The following ADAMTS17 variants were observed in gnomAD, a reference collection of about 807,000 sequenced individuals.
ADAMTS17 encodes A disintegrin and metalloproteinase with thrombospondin motifs 17.
Under a neutral mutation model 141.5 loss-of-function variants are expected in ADAMTS17, and 113 were observed. The ratio of observed to expected loss-of-function variants is 0.80; its 90% CI spans 0.69 to 0.93. ADAMTS17 has a LOEUF of 0.93. Among genes scored for constraint, ADAMTS17 ranks in the 40% least tolerant of loss-of-function variants. The pLI, the probability that ADAMTS17 is intolerant of heterozygous loss-of-function variation, is 0.00. For missense variants in ADAMTS17, 1,659 were observed against 1,517.9 expected (o/e 1.09, Z -1.54); for synonymous variants, 768 against 630.6 (o/e 1.22, Z -3.27).
chr15:100,282,611 G>A (rs1432349079), intron 3 of ADAMTS17, among the ~76,000 whole-genome samples: 1 of 152,186 alleles, frequency 6.6e-6, no homozygotes, highest in Non-Finnish European at 1.5e-5. Context: ...TATTTTTGAT[G>A]CCTGGTTGAC....
chr15:100,233,348 A>G (rs941442287), intron 7 of ADAMTS17, among the ~76,000 whole-genome samples: 1 of 151,414 alleles, frequency 6.6e-6, no homozygotes, highest in Admixed American at 6.6e-5. Context: ...AAAAAAATAC[A>G]GAAGATTAAC....
intron 13 of ADAMTS17, among the ~76,000 whole-genome samples, chr15:100,116,464 T>C (rs999481490): frequency 1.3e-5 from 2 of 152,246 alleles, no homozygotes; most frequent in Non-Finnish European, 2.9e-5. Context: ...ATCATCCACA[T>C]TGGAAAGCCA....
intron 10 of ADAMTS17, among the ~76,000 whole-genome samples, chr15:100,137,677 C>T (rs532471232): frequency 1.3e-5 from 2 of 152,282 alleles, no homozygotes; most frequent in African/African-American, 2.4e-5. Flanking sequence ...AGGAAATATT[C>T]GAGGAAGCAA....
chr15:100,106,434 C>G (rs929755684), intron 14 of ADAMTS17, among the ~76,000 whole-genome samples: 2 of 152,196 alleles, frequency 1.3e-5, no homozygotes, highest in African/African-American at 2.4e-5. Flanking sequence ...ATGTCTGGAG[C>G]AGCATTTTCT....
intron 7 of ADAMTS17, among the ~76,000 whole-genome samples, chr15:100,246,257 G>A (rs1402054338): frequency 6.6e-6 from 1 of 152,050 alleles, no homozygotes; most frequent in East Asian, 1.9e-4. Flanking sequence ...CTGAATTTGT[G>A]GGATACGAAG....
intron 3 of ADAMTS17, among the ~76,000 whole-genome samples, chr15:100,322,498 TCCA>T (rs1311948074): frequency 6.6e-6 from 1 of 152,164 alleles, no homozygotes; most frequent in Non-Finnish European, 1.5e-5. Flanking sequence ...ATTCAGAATC[TCCA>T]CGTTACATTT....
In ADAMTS17 at chr15:99,997,655, C is replaced by T; in HGVS notation, c.2592-66G>A. On this transcript the variant is annotated intron_variant, in intron 18 of 21. Coordinates refer to ENST00000268070, the MANE Select transcript of ADAMTS17 (RefSeq NM_139057.4). This position sits in a 1 kb window ranked among gnomAD's most constrained non-coding sequence, Gnocchi z 4.7. ...GAGGCCAGCCTCTCCGGAGGGCCTTCCGGCCGGATCCTGGAATTGCTGCCC... is the reference window on the plus strand; with the variant it reads ...GAGGCCAGCCTCTCCGGAGGGCCTTTCGGCCGGATCCTGGAATTGCTGCCC... 5 of 1,598,410 alleles carry T rather than the reference C, an allele frequency of 3.1e-6. No individual in the cohort carries two copies. In the South Asian group the frequency reaches 4.4e-5, roughly 14 times the overall value.
chr15:100,238,065 G>T (rs2042713033), intron 7 of ADAMTS17, among the ~76,000 whole-genome samples: 1 of 152,148 alleles, frequency 6.6e-6, no homozygotes, highest in African/African-American at 2.4e-5. Flanking sequence ...TCCCACTGTG[G>T]GACAGCCACT....
chr15:100,274,287 T>C (rs1277954846), intron 4 of ADAMTS17, among the ~76,000 whole-genome samples: 2 of 152,254 alleles, frequency 1.3e-5, no homozygotes, highest in Admixed American at 6.5e-5. Context: ...CTCCAACTAT[T>C]ATTGTACAAC....
chr15:100,031,842 A>C (rs2141488962), intron 18 of ADAMTS17, among the ~76,000 whole-genome samples: 1 of 152,266 alleles, frequency 6.6e-6, no homozygotes, highest in African/African-American at 2.4e-5. Flanking sequence ...TAGAGTACTC[A>C]CCGTGTGGCA....
intron 7 of ADAMTS17, among the ~76,000 whole-genome samples, chr15:100,228,792 G>C (rs545896196): frequency 6.6e-6 from 1 of 152,190 alleles, no homozygotes. Flanking sequence ...CCAATGGTCT[G>C]GGGGAAGGAG....
intron 18 of ADAMTS17, among the ~76,000 whole-genome samples, chr15:100,018,807 GC>G (rs756697517): frequency 6.6e-6 from 1 of 152,156 alleles, no homozygotes; most frequent in Non-Finnish European, 1.5e-5. Context: ...ATGAGGACGT[GC>G]CCTTTCACAT....
intron 7 of ADAMTS17, among the ~76,000 whole-genome samples, chr15:100,222,543 C>T (rs796208103): frequency 6.6e-6 from 1 of 152,212 alleles, no homozygotes; most frequent in Non-Finnish European, 1.5e-5. Flanking sequence ...CTCCGTGTCC[C>T]CCCTGAACCA....
Position 100,199,365 on chromosome 15 carries a change from GT to G in ADAMTS17, c.1133del (p.Asp378AlafsTer20). ...TGGTAAAGGCCAAATTGAGACCATT[GT>G]CTTCGGCAAGCACACACTTCCTCTT... The part of the protein sequence containing the change: ...SAKRKCVLAE[D>X]NGLNLAFTIA... On this transcript the variant is annotated frameshift_variant, in exon 8 of 22. Coordinates refer to ENST00000268070, the MANE Select transcript of ADAMTS17 (RefSeq NM_139057.4). LOFTEE classifies it high-confidence loss of function. 1 of 1,614,198 alleles carries G rather than the reference GT, an allele frequency of 6.2e-7. No individual in the cohort carries two copies. Among genetic ancestry groups the G allele is most frequent in the Non-Finnish European group, 8.5e-7 (1 of 1,180,038 alleles).
At chr15:100,106,225 C>G (rs2036407277) in intron 14 of ADAMTS17, among the ~76,000 whole-genome samples, 2 of 152,148 alleles carry the variant, frequency 1.3e-5, no homozygotes, top group African/African-American at 4.8e-5. Flanking sequence ...GAAAGTGGGC[C>G]TTCACCAGAA....
At chr15:100,037,262 T>C (rs2030816048) in intron 18 of ADAMTS17, among the ~76,000 whole-genome samples, 1 of 151,270 alleles carries the variant, frequency 6.6e-6, no homozygotes, top group South Asian at 2.1e-4. Flanking sequence ...GTGAGTGTGA[T>C]CATATGGTTT....
chr15:100,271,889 AT>A (rs1228589783), intron 4 of ADAMTS17, among the ~76,000 whole-genome samples: 2 of 152,076 alleles, frequency 1.3e-5, no homozygotes, highest in Non-Finnish European at 2.9e-5. Flanking sequence ...TTTTGAGTTA[AT>A]TTTTGTATGT....
At chr15:100,194,340 C>T (rs1365960657) in intron 8 of ADAMTS17, among the ~76,000 whole-genome samples, 1 of 152,170 alleles carries the variant, frequency 6.6e-6, no homozygotes, top group African/African-American at 2.4e-5. Flanking sequence ...CAGGCACCTC[C>T]CCTGGACCTA....
At chr15:100,014,710 T>G (rs1178185271) in intron 18 of ADAMTS17, among the ~76,000 whole-genome samples, 1 of 152,226 alleles carries the variant, frequency 6.6e-6, no homozygotes, top group Non-Finnish European at 1.5e-5. Flanking sequence ...TTTATTCTAC[T>G]GTGGTCTGAG....
Sources: gnomAD v4.1 joint callset for allele counts (sites outside exome capture counted in the v4.1 genomes callset) on GRCh38, gnomAD v4.1.1 for gene constraint, Gnocchi (gnomAD v3.1) non-coding constraint, MANE v1.5 for transcripts, NCBI Gene and HGNC (gene_info 2026-07-23, HGNC 2026-07-21) for gene names.